The following BPIFC variants were observed in gnomAD, a reference collection of about 807,000 sequenced individuals.
The protein encoded by BPIFC is BPI fold containing family C.
BPIFC carries 60 observed loss-of-function variants against 57.6 expected under a neutral mutation model. That is an observed-to-expected ratio of 1.04 (90% CI 0.85 to 1.29). The LOEUF is 1.29. Among genes scored for constraint, BPIFC ranks in the 50% most tolerant of loss-of-function variants. BPIFC has a pLI of 0.00. For missense variants in BPIFC, 581 were observed against 600.5 expected (o/e 0.97, Z 0.34); for synonymous variants, 243 against 224.5 (o/e 1.08, Z -0.74).
chr22:32,446,824 A>G (rs1601474300), intron 5 of BPIFC: 1 of 984,968 alleles, frequency 1.0e-6, no homozygotes, highest in East Asian at 1.1e-4. Flanking sequence ...CCTCTGTGTG[A>G]GGGAGAAAGA....
chr22:32,441,676 G>C (rs1399998694), intron 8 of BPIFC, among the ~76,000 whole-genome samples: 5 of 152,164 alleles, frequency 3.3e-5, no homozygotes, highest in Non-Finnish European at 7.3e-5. Context: ...AAGAGAGATA[G>C]AGAACGGAAA....
chr22:32,421,774 G>A (rs1014898457), intron 13 of BPIFC, among the ~76,000 whole-genome samples: 1 of 152,152 alleles, frequency 6.6e-6, no homozygotes, highest in Admixed American at 6.5e-5. Context: ...TAGTGGGGTG[G>A]CAATCATTAA....
chr22:32,452,196 C>A (rs1163334416), intron 4 of BPIFC, among the ~76,000 whole-genome samples: 1 of 152,166 alleles, frequency 6.6e-6, no homozygotes, highest in Non-Finnish European at 1.5e-5. Flanking sequence ...GCCACTGAGC[C>A]CAGCCTAATA....
chr22:32,440,417 C>T (rs571851795), intron 8 of BPIFC, among the ~76,000 whole-genome samples: 2 of 152,220 alleles, frequency 1.3e-5, no homozygotes, highest in East Asian at 1.9e-4. Flanking sequence ...GCTAGGATTA[C>T]AGGAGTGAGC....
intron 7 of BPIFC, among the ~76,000 whole-genome samples, chr22:32,445,418 T>A (rs1210068590): frequency 6.6e-6 from 1 of 152,028 alleles, no homozygotes; most frequent in Non-Finnish European, 1.5e-5. Context: ...GCACCTGTAG[T>A]CCCAGCTACT....
In BPIFC at chr22:32,424,753, C is replaced by CTCCTCT. The variant is rs1934005117; in HGVS notation, c.1218-5350_1218-5349insAGAGGA. ...CCTCTTCTTCTTCCTCTTCTTCTTCCTCTTCTTCTTCTTCTTCTTCTTCTT... is the reference window on the plus strand; with the variant it reads ...CCTCTTCTTCTTCCTCTTCTTCTTCCTCCTCTTCTTCTTCTTCTTCTTCTTCTTCTT... On this transcript the variant is annotated intron_variant, in intron 13 of 16. Coordinates refer to ENST00000300399, the MANE Select transcript of BPIFC (RefSeq NM_174932.3). 5.4e-3 allele frequency among the ~76,000 whole-genome samples: 191 copies of CTCCTCT among 35,480 alleles called. 35 individuals are homozygous for CTCCTCT. The highest frequency in any genetic ancestry group is 7.7e-3 in the Non-Finnish European group (157 of 20,286). The allele number at this position is 35,480 out of a possible 152,430, so 23.3% of individuals were successfully genotyped here.
intron 3 of BPIFC, among the ~76,000 whole-genome samples, chr22:32,454,342 C>T (rs762591839): frequency 3.9e-5 from 6 of 152,148 alleles, no homozygotes; most frequent in Non-Finnish European, 5.9e-5. Context: ...GTGGGTGAGT[C>T]GTGTGTGCAT....
chr22:32,441,538 G>A (rs893539143), intron 8 of BPIFC, among the ~76,000 whole-genome samples: 1 of 152,138 alleles, frequency 6.6e-6, no homozygotes, highest in African/African-American at 2.4e-5. Context: ...AGAGAGAGAT[G>A]TCCAAAGTGT....
rs761356119 is a variant in BPIFC at position 32,437,808 on chromosome 22, T to G, written c.699A>C (p.Leu233=). 4.0e-5 allele frequency: 65 copies of G among 1,612,536 alleles called. No individual in the cohort carries two copies. Among genetic ancestry groups the G allele is most frequent in the Non-Finnish European group, 5.3e-5 (62 of 1,178,734 alleles). Residue 233 remains leucine (L), a synonymous_variant, in exon 9 of 17, where the codon CTA becomes CTC. Transcript: ENST00000300399. The part of the protein sequence containing the change: ...IDNYTLLDYS[L]ISSPEITENY... ...TCTCAGTAATTTCTGGAGAACTGAT[T>G]AGGGAGTAATCCAGCAGAGTGTAGT...
In BPIFC at chr22:32,455,537, C is replaced by T. The variant is rs73404927; in HGVS notation, c.124+1726G>A. 1.3e-3 allele frequency among the ~76,000 whole-genome samples: 197 copies of T among 152,210 alleles called. 1 individual carries two copies. The highest frequency in any genetic ancestry group is 4.4e-3 in the African/African-American group (183 of 41,536). On this transcript the variant is annotated intron_variant, in intron 3 of 16. Transcript: ENST00000300399. The stretch of plus-strand genomic sequence containing the variant: ...TTGGATCCTCACAGCAACCCAGTGA[C>T]GAGGTGTTATTATCCTTGTTTCACA...
At chr22:32,464,343 C>CAG in intron 1 of BPIFC, 31 bp downstream of exon 1, 1 of 976,176 alleles carries the variant, frequency 1.0e-6, no homozygotes, top group Non-Finnish European at 1.2e-6. Context: ...TCATGGCTGG[C>CAG]AGAGACCTGA....
intron 3 of BPIFC, 39 bp downstream of exon 3, chr22:32,457,224 G>C: frequency 6.4e-7 from 1 of 1,568,826 alleles, no homozygotes; most frequent in Non-Finnish European, 8.6e-7. Context: ...ACCCCACCTA[G>C]TGGGCCTGAG....
intron 4 of BPIFC, among the ~76,000 whole-genome samples, chr22:32,450,805 T>C (rs371521259): frequency 2.6e-5 from 4 of 152,226 alleles, no homozygotes; most frequent in East Asian, 3.9e-4. Flanking sequence ...GATAAGTAAG[T>C]ATAAAGCAAA....
intron 4 of BPIFC, among the ~76,000 whole-genome samples, chr22:32,449,524 T>C (rs955880429): frequency 6.6e-6 from 1 of 152,182 alleles, no homozygotes; most frequent in African/African-American, 2.4e-5. Flanking sequence ...AGAGATTCAT[T>C]TACTATATCT....
rs770554785 is a variant in BPIFC at position 32,432,488 on chromosome 22, T to A, written c.1034A>T (p.Glu345Val). 1 of 1,614,104 alleles carries A rather than the reference T, an allele frequency of 6.2e-7. No individual in the cohort carries two copies. The highest frequency in any genetic ancestry group is 8.5e-7 in the Non-Finnish European group (1 of 1,180,016). Reference sequence around the variant, plus strand: ...TGGTTGTAGATTGATTATGGGAGGCTCTGTGGCCATGATCCTCACCATGAA... The same window carrying A: ...TGGTTGTAGATTGATTATGGGAGGCACTGTGGCCATGATCCTCACCATGAA... ...QPFMVRIMAT[E>V]PPIINLQPGN... The change falls in exon 12 of 17, where the codon GAG (glutamate) becomes GTG (valine). Residue 345 changes from glutamate (E) to valine (V), a missense_variant. Coordinates refer to ENST00000300399, the MANE Select transcript of BPIFC (RefSeq NM_174932.3).
At chr22:32,457,929 C>A (rs1337795592) in intron 2 of BPIFC, among the ~76,000 whole-genome samples, 3 of 152,186 alleles carry the variant, frequency 2.0e-5, no homozygotes, top group African/African-American at 7.2e-5. Flanking sequence ...CTGGTTCAAG[C>A]CAGTACCATT....
intron 8 of BPIFC, 66 bp downstream of exon 8, chr22:32,442,605 C>T (rs755037589): frequency 2.3e-5 from 34 of 1,510,722 alleles, no homozygotes; most frequent in Non-Finnish European, 2.9e-5. Context: ...GAAAAGCAAA[C>T]CCAGGCAGTA....
chr22:32,430,649 A>T (rs1220268716), intron 13 of BPIFC, among the ~76,000 whole-genome samples: 3 of 150,528 alleles, frequency 2.0e-5, no homozygotes, highest in African/African-American at 7.3e-5. Flanking sequence ...AGAGAGATAT[A>T]TTTTTTTGAG....
intron 4 of BPIFC, among the ~76,000 whole-genome samples, chr22:32,447,899 T>C (rs1934775862): frequency 1.3e-5 from 2 of 151,962 alleles, no homozygotes; most frequent in African/African-American, 4.8e-5. Context: ...ATGAGACACC[T>C]CGCCTGGCCT....
Sources: allele counts gnomAD v4.1 joint callset (sites outside exome capture counted in the v4.1 genomes callset), GRCh38; gene constraint gnomAD v4.1.1; transcripts MANE v1.5; gene names NCBI Gene and HGNC (gene_info 2026-07-23, HGNC 2026-07-21).